The following SAMD3 variants were observed in gnomAD, a reference collection of about 807,000 sequenced individuals.
The protein encoded by SAMD3 is sterile alpha motif domain containing 3.
A neutral mutation model predicts 58.5 loss-of-function variants in SAMD3; 63 were observed. That is an observed-to-expected ratio of 1.08 (90% CI 0.88 to 1.33). The LOEUF is 1.33. Among genes scored for constraint, SAMD3 ranks in the 40% most tolerant of loss-of-function variants. SAMD3 has a pLI of 0.00. For missense variants in SAMD3, 604 were observed against 608.4 expected (o/e 0.99, Z 0.08); for synonymous variants, 220 against 210.3 (o/e 1.05, Z -0.40).
At chr6:130,211,325 C>T (rs1238045112) in intron 4 of SAMD3, among the ~76,000 whole-genome samples, 1 of 144,048 alleles carries the variant, frequency 6.9e-6, no homozygotes, top group Non-Finnish European at 1.5e-5. Context: ...ACTCTGTCAC[C>T]TAGGCTGGAG....
At chr6:130,197,573 C>T (rs1198054900) in intron 5 of SAMD3, among the ~76,000 whole-genome samples, 1 of 152,100 alleles carries the variant, frequency 6.6e-6, no homozygotes, top group Non-Finnish European at 1.5e-5. Context: ...TGTATCCAGG[C>T]CATCACCAAT....
chr6:130,280,474 A>C (rs551487957), intron 2 of SAMD3, among the ~76,000 whole-genome samples: 1 of 152,088 alleles, frequency 6.6e-6, no homozygotes, highest in Admixed American at 6.6e-5. Flanking sequence ...TGGCACTCAC[A>C]TTCCCTCCCA....
chr6:130,185,112 A>G (rs555828137), intron 5 of SAMD3, among the ~76,000 whole-genome samples: 80 of 152,312 alleles, frequency 5.3e-4, no homozygotes, highest in African/African-American at 1.5e-3. Flanking sequence ...GCCTATTTTG[A>G]TAAGGTGAAC....
chr6:130,346,193 T>A (rs1260546198), intron 1 of SAMD3, among the ~76,000 whole-genome samples: 3 of 152,170 alleles, frequency 2.0e-5, no homozygotes, highest in African/African-American at 7.2e-5. Context: ...GGTACTGGGT[T>A]CATCTCACTG....
At chr6:130,176,199 T>C in intron 7 of SAMD3, 191 bp from the exon 8 acceptor site, 1 of 662,338 alleles carries the variant, frequency 1.5e-6, no homozygotes, top group African/African-American at 1.8e-5. Context: ...GCTACAGAAA[T>C]TATAAACCCT....
intron 1 of SAMD3, among the ~76,000 whole-genome samples, chr6:130,222,177 G>A (rs745880113): frequency 1.2e-4 from 18 of 152,156 alleles, no homozygotes; most frequent in Non-Finnish European, 1.9e-4. Flanking sequence ...ACTAATGCAA[G>A]CCAAAAACAT....
Position 130,154,886 on chromosome 6 carries a change from C to A in SAMD3, c.962G>T (p.Gly321Val), listed in dbSNP as rs1209874467. 6.2e-7 allele frequency: 1 copy of A among 1,613,256 alleles called. No individual in the cohort carries two copies. Among genetic ancestry groups the A allele is most frequent in the Admixed American group, 1.7e-5 (1 of 59,920 alleles). ...AATGTCCTTCAGAGGTGTTCGGCTG[C>A]CAATCATCTTTCTTCTTATTTCCAA... ...QTLEIRRKMI[G>V]SRTPLKDILK... Residue 321 changes from glycine to valine, a missense_variant, in exon 9 of 12, where the codon GGC (glycine) becomes GTC (valine). Gly to Val is a moderately radical substitution (Grantham distance 109). Coordinates refer to ENST00000439090, the MANE Select transcript of SAMD3 (RefSeq NM_001017373.4).
chr6:130,220,360 G>T (rs1054184936), intron 1 of SAMD3, among the ~76,000 whole-genome samples: 1 of 152,150 alleles, frequency 6.6e-6, no homozygotes, highest in Non-Finnish European at 1.5e-5. Context: ...TTAAATTAAT[G>T]AACAAAAATA....
intron 2 of SAMD3, among the ~76,000 whole-genome samples, chr6:130,288,089 C>G (rs11154561): frequency 0.28 from 42,351 of 152,124 alleles, 6,355 homozygotes; most frequent in East Asian, 0.45. Context: ...TTAGGAAGCC[C>G]TTTTGTGAGG....
intron 4 of SAMD3, among the ~76,000 whole-genome samples, chr6:130,211,214 T>G (rs891447091): frequency 1.3e-5 from 2 of 151,838 alleles, no homozygotes; most frequent in Non-Finnish European, 1.5e-5. Context: ...CCACAACCCC[T>G]TATCATAACC....
chr6:130,193,770 T>C (rs1793797182), intron 5 of SAMD3, among the ~76,000 whole-genome samples: 1 of 152,176 alleles, frequency 6.6e-6, no homozygotes. Context: ...TTTCAAGTTT[T>C]CCATCCTGCA....
At chr6:130,282,210 G>T (rs1031942528) in intron 2 of SAMD3, among the ~76,000 whole-genome samples, 2 of 152,094 alleles carry the variant, frequency 1.3e-5, no homozygotes, top group African/African-American at 4.8e-5. Context: ...GAAAGATTTG[G>T]CCTTACTCTT....
intron 4 of SAMD3, among the ~76,000 whole-genome samples, chr6:130,213,124 A>T (rs1322319662): frequency 1.3e-5 from 2 of 152,062 alleles, no homozygotes; most frequent in Admixed American, 6.6e-5. Flanking sequence ...TTTGTTTAAA[A>T]AATAAAAATA....
At chr6:130,260,913 G>A (rs1371594319) in intron 2 of SAMD3, among the ~76,000 whole-genome samples, 3 of 152,224 alleles carry the variant, frequency 2.0e-5, no homozygotes, top group African/African-American at 7.2e-5. Context: ...CTCTGTTTGA[G>A]TGGAAGTGTG....
chr6:130,303,029 T>C (rs1775805276), intron 2 of SAMD3, among the ~76,000 whole-genome samples: 1 of 152,174 alleles, frequency 6.6e-6, no homozygotes. Flanking sequence ...TACACCCATG[T>C]AACAAACTGC....
intron 2 of SAMD3, among the ~76,000 whole-genome samples, chr6:130,296,299 G>C (rs1362761018): frequency 6.7e-6 from 1 of 149,134 alleles, no homozygotes; most frequent in Non-Finnish European, 1.5e-5. Context: ...CCTATGGGAA[G>C]GAGCTGGGGT....
chr6:130,175,493 A>C lies in SAMD3; in HGVS notation c.822+348T>G, dbSNP rs112038829. Among the ~76,000 whole-genome samples, 83 of 152,334 alleles carry C rather than the reference A, an allele frequency of 5.4e-4. 1 individual carries two copies. Among genetic ancestry groups the C allele is most frequent in the African/African-American group, 1.9e-3 (78 of 41,574 alleles). Reference sequence around the variant, plus strand: ...CTAACTCAGACAATGTGAGTATTAAAAAACTTCCTGTAGCAATAAGAGCAT... The same window carrying C: ...CTAACTCAGACAATGTGAGTATTAACAAACTTCCTGTAGCAATAAGAGCAT... On this transcript the variant is annotated intron_variant, in intron 8 of 11. Coordinates refer to ENST00000439090, the MANE Select transcript of SAMD3 (RefSeq NM_001017373.4).
chr6:130,173,728 T>C (rs566435164), intron 8 of SAMD3, among the ~76,000 whole-genome samples: 1 of 152,312 alleles, frequency 6.6e-6, no homozygotes, highest in East Asian at 1.9e-4. Flanking sequence ...ATCCCTCTTG[T>C]CAGAATCAGC....
chr6:130,251,299 A>AAGAGTTATTT (rs1773730356), intron 2 of SAMD3, among the ~76,000 whole-genome samples: 1 of 152,182 alleles, frequency 6.6e-6, no homozygotes, highest in African/African-American at 2.4e-5. Context: ...CTTGAGTTGT[A>AAGAGTTATTT]AGAGTTATTT....
Sources: gnomAD v4.1 joint callset for allele counts (sites outside exome capture counted in the v4.1 genomes callset) on GRCh38, gnomAD v4.1.1 for gene constraint, MANE v1.5 for transcripts, NCBI Gene and HGNC (gene_info 2026-07-23, HGNC 2026-07-21) for gene names.